The following C4orf51 variants were observed in gnomAD, a reference collection of about 807,000 sequenced individuals.
C4orf51 encodes chromosome 4 open reading frame 51.
Under a neutral mutation model 25.2 loss-of-function variants are expected in C4orf51, and 25 were observed. The ratio of observed to expected loss-of-function variants is 0.99; its 90% CI spans 0.72 to 1.39. The LOEUF is 1.39. Among genes scored for constraint, C4orf51 ranks in the 40% most tolerant of loss-of-function variants. C4orf51 has a pLI of 0.00. For missense variants in C4orf51, 252 were observed against 239.6 expected, an observed-to-expected ratio of 1.05 and a Z score of -0.34; for synonymous variants, 100 against 84.5, an observed-to-expected ratio of 1.18 and a Z score of -1.01.
At chr4:145,768,877 A>C (rs1360084437) in intron 1 of C4orf51, among the ~76,000 whole-genome samples, 6 of 28,808 alleles carry the variant, frequency 2.1e-4, no homozygotes, top group Non-Finnish European at 2.3e-4. Flanking sequence ...AAAAAAAAAA[A>C]AAAAAAAAAA....
intron 2 of C4orf51, among the ~76,000 whole-genome samples, chr4:145,722,426 A>G (rs538835435): frequency 3.9e-5 from 6 of 152,260 alleles, no homozygotes; most frequent in Non-Finnish European, 5.9e-5. Context: ...ACACTCAAAA[A>G]AAGTCTGACA....
the C4orf51 span, among the ~76,000 whole-genome samples, chr4:145,788,094 T>C: frequency 6.6e-6 from 1 of 152,184 alleles, no homozygotes; most frequent in East Asian, 1.9e-4. Context: ...CTAAGCCATA[T>C]GAAATCAATG....
At chr4:145,693,690 G>A (rs1211683658) in intron 1 of C4orf51, among the ~76,000 whole-genome samples, 2 of 99,604 alleles carry the variant, frequency 2.0e-5, no homozygotes, top group Non-Finnish European at 4.1e-5. Flanking sequence ...CCTCCCGGAG[G>A]GGGCGGCTGG....
rs752797396 is a variant in C4orf51 at position 145,680,340 on chromosome 4, C to A, written c.137C>A (p.Thr46Lys). The A allele has an allele frequency of 6.2e-6, 10 of 1,613,978 alleles. No individual in the cohort carries two copies. The highest frequency in any genetic ancestry group is 8.5e-6 in the Non-Finnish European group (10 of 1,179,874). Residue 46 changes from threonine (T) to lysine (K), a missense_variant, in exon 1 of 6, where the codon ACA becomes AAA. Physicochemically the swap from Thr to Lys is moderately conservative, Grantham distance 78. Coordinates refer to ENST00000438731, the MANE Select transcript of C4orf51 (RefSeq NM_001080531.3). ...ACACGATGGTCAGATTCTTCCGTGACAACATACACAGGCAGTTACCGGAAA... is the reference window on the plus strand; with the variant it reads ...ACACGATGGTCAGATTCTTCCGTGAAAACATACACAGGCAGTTACCGGAAA... ...DETRWSDSSV[T>K]TYTGSYRKKQ...
In C4orf51 at chr4:145,765,738, C is replaced by T. The variant is rs1475062770; in HGVS notation, n.167-5250C>T. 24 of 1,612,268 alleles carry T rather than the reference C, an allele frequency of 1.5e-5. No homozygotes were observed. The highest frequency in any genetic ancestry group is 2.0e-5 in the Non-Finnish European group (24 of 1,179,242). ...TTCGCTGGGGGTCTTCCTGTCTTCC[C>T]CTGAAAAATAAGCAAATAACCCAGT... On this transcript the variant is annotated intron_variant and non_coding_transcript_variant, in intron 1 of 1. Transcript: ENST00000510096. This position sits in a 1 kb window ranked among gnomAD's most constrained non-coding sequence, Gnocchi z 4.7.
chr4:145,690,624 C>T (rs1729491494), intron 1 of C4orf51, among the ~76,000 whole-genome samples: 1 of 152,090 alleles, frequency 6.6e-6, no homozygotes, highest in Non-Finnish European at 1.5e-5. Context: ...AAAACAAAAA[C>T]TGACAATTGG....
chr4:145,717,157 G>A (rs1731462760), intron 2 of C4orf51, among the ~76,000 whole-genome samples: 1 of 152,102 alleles, frequency 6.6e-6, no homozygotes, highest in Non-Finnish European at 1.5e-5. Flanking sequence ...TAGACCTGCT[G>A]AGCAGTCCTG....
At chr4:145,783,303 C>G in the C4orf51 span, among the ~76,000 whole-genome samples, 2 of 152,158 alleles carry the variant, frequency 1.3e-5, no homozygotes, top group African/African-American at 4.8e-5. Flanking sequence ...AGACATTATT[C>G]TTATTTTATA....
intron 1 of C4orf51, among the ~76,000 whole-genome samples, chr4:145,693,545 G>A (rs902754597): frequency 1.3e-5 from 2 of 151,798 alleles, no homozygotes; most frequent in Non-Finnish European, 2.9e-5. Context: ...ATGAGCTGTT[G>A]GGTACACCTC....
the C4orf51 span, among the ~76,000 whole-genome samples, chr4:145,784,099 G>T: frequency 6.6e-6 from 1 of 152,126 alleles, no homozygotes; most frequent in African/African-American, 2.4e-5. Context: ...CCACTATGAT[G>T]GAAAGTTTCC....
chr4:145,761,908 G>A lies in C4orf51; in HGVS notation n.167-9080G>A, dbSNP rs1734572126. Among the ~76,000 whole-genome samples the A allele has an allele frequency of 6.6e-6, 1 of 152,172 alleles. No individual in the cohort carries two copies. The highest frequency in any genetic ancestry group is 2.4e-5 in the African/African-American group (1 of 41,432). On this transcript the variant is annotated intron_variant and non_coding_transcript_variant, in intron 1 of 1. Transcript: ENST00000510096. This position sits in a 1 kb window ranked among gnomAD's most constrained non-coding sequence, Gnocchi z 6.8. The stretch of plus-strand genomic sequence containing the variant: ...AGAAAGTGCCAGGAATCAATTTGCT[G>A]GTGCTCCCCTCCAGCCCCCGCCCGG...
chr4:145,707,884 G>T (rs1183346565), intron 2 of C4orf51, among the ~76,000 whole-genome samples: 1 of 152,250 alleles, frequency 6.6e-6, no homozygotes, highest in African/African-American at 2.4e-5. Context: ...TGATGACAGT[G>T]TCTGATTTGG....
chr4:145,763,894 A>G lies in C4orf51; in HGVS notation n.167-7094A>G, dbSNP rs766719653. ...CAAGAGTGAAACGAAATGGAGTTCAACGGAGGTCCTGTTGTTCCCTGACTC... is the reference window on the plus strand; with the variant it reads ...CAAGAGTGAAACGAAATGGAGTTCAGCGGAGGTCCTGTTGTTCCCTGACTC... On this transcript the variant is annotated intron_variant and non_coding_transcript_variant, in intron 1 of 1. Coordinates refer to the C4orf51 transcript ENST00000510096. The surrounding 1 kb of genome is among the most constrained non-coding windows in gnomAD (Gnocchi z 4.6). Among the ~76,000 whole-genome samples, 1 of 151,816 alleles carries G rather than the reference A, an allele frequency of 6.6e-6. No homozygotes were observed. The highest frequency in any genetic ancestry group is 1.5e-5 in the Non-Finnish European group (1 of 67,976).
At chr4:145,693,039 A>T (rs1437713620) in intron 1 of C4orf51, among the ~76,000 whole-genome samples, 1 of 102,030 alleles carries the variant, frequency 9.8e-6, no homozygotes, top group Non-Finnish European at 2.0e-5. Flanking sequence ...TTTTTTATTA[A>T]ATTTATTTTT....
chr4:145,784,542 A>C, the C4orf51 span, among the ~76,000 whole-genome samples: 3 of 152,158 alleles, frequency 2.0e-5, no homozygotes, highest in African/African-American at 7.2e-5. Context: ...ACACATTTCC[A>C]TCTTAATTAT....
chr4:145,724,329 GA>G (rs1215362788), intron 2 of C4orf51, among the ~76,000 whole-genome samples: 1 of 152,000 alleles, frequency 6.6e-6, no homozygotes, highest in Non-Finnish European at 1.5e-5. Flanking sequence ...CTGTGGCTAT[GA>G]AAAAGTGGGT....
chr4:145,733,066 C>A (rs1199848667), downstream of C4orf51, among the ~76,000 whole-genome samples: 1 of 152,184 alleles, frequency 6.6e-6, no homozygotes, highest in African/African-American at 2.4e-5. Flanking sequence ...GCGGCGGGCT[C>A]GCGAGCTCAG....
chr4:145,754,479 G>C (rs1041345965), downstream of C4orf51: 4 of 152,372 alleles, frequency 2.6e-5, no homozygotes, highest in Non-Finnish European at 5.9e-5. Flanking sequence ...AATGGAGGGA[G>C]CAGAGTTGGA....
intron 1 of C4orf51, among the ~76,000 whole-genome samples, chr4:145,753,366 G>GTATTTAT (rs200143797): frequency 0.012 from 1,832 of 152,014 alleles, 38 homozygotes; most frequent in African/African-American, 0.041. Flanking sequence ...TCTTTATTAT[G>GTATTTAT]TATGTACCTA....
Sources: gnomAD v4.1 joint callset for allele counts (sites outside exome capture counted in the v4.1 genomes callset) on GRCh38, gnomAD v4.1.1 for gene constraint, Gnocchi (gnomAD v3.1) non-coding constraint, MANE v1.5 for transcripts, NCBI Gene and HGNC (gene_info 2026-07-23, HGNC 2026-07-21) for gene names.